FSIP2: variants seen among roughly 807,000 people sequenced by gnomAD.
FSIP2 encodes the protein fibrous sheath-interacting protein 2.
A neutral mutation model predicts 510.5 loss-of-function variants in FSIP2; 367 were observed. The observed-to-expected ratio is 0.72, with a 90% CI of 0.66 to 0.78. The LOEUF (loss-of-function observed/expected upper bound fraction) is 0.78. Ranked by LOEUF, FSIP2 falls within the 30% of genes least tolerant of loss-of-function variation. The probability of loss-of-function intolerance (pLI) is 0.00; values close to 1 mark genes in which losing one functional copy is unlikely to be tolerated. For synonymous variants in FSIP2, 2,601 were observed against 2,732.2 expected, an observed-to-expected ratio of 0.95 and a Z score of 1.50; for missense variants, 7,594 against 7,901.7, an observed-to-expected ratio of 0.96 and a Z score of 1.48.
Position 185,804,439 on chromosome 2 carries a change from G to T in FSIP2, c.15133G>T (p.Val5045Phe), listed in dbSNP as rs1375215441. 6 of 1,515,040 alleles carry T rather than the reference G, an allele frequency of 4.0e-6. No individual in the cohort carries two copies. In the South Asian group the frequency reaches 4.9e-5, roughly 12 times the overall value. The allele number at this position is 1,515,040 out of a possible 1,614,324, so 93.8% of individuals were successfully genotyped here. A position where few individuals can be genotyped will look rare whatever the true frequency, so the allele number is the denominator to read the frequency against. ...TAAATCTCTGATTCAAATACATAGG[G>T]TTATACAAAGTGACACAATATGTTT... ...QYKSLIQIHR[V>F]IQSDTICFGR... is the part of the protein sequence containing the mutation. The change falls in exon 17 of 23, where the codon GTT (valine) becomes TTT (phenylalanine). Residue 5045 changes from valine (V) to phenylalanine (F), a missense_variant. Transcript: ENST00000424728.
At position 185,789,848 on chromosome 2, in the gene FSIP2, T is replaced by C. The variant is rs764752616; in HGVS notation, c.2712T>C (p.Tyr904=). The change falls in exon 16 of 23, where the codon TAT becomes TAC. Residue 904 remains tyrosine, a synonymous_variant. Transcript: ENST00000424728. ...TTTCCCAGTCTTCTTTGGTTGCTTATATAGAGGAAGCAATCAATGCTATAC... is the reference window on the plus strand; with the variant it reads ...TTTCCCAGTCTTCTTTGGTTGCTTACATAGAGGAAGCAATCAATGCTATAC... ...NIFSQSSLVA[Y]IEEAINAILG... The C allele has an allele frequency of 6.7e-4, 1,033 of 1,531,326 alleles. No homozygotes were observed. The highest frequency in any genetic ancestry group is 8.4e-4 in the Non-Finnish European group (962 of 1,143,214). The allele number at this position is 1,531,326 out of a possible 1,614,324, so 94.9% of individuals were successfully genotyped here.
At chr2:185,823,752 A>G (rs1461244450) in intron 19 of FSIP2, among the ~76,000 whole-genome samples, 1 of 151,806 alleles carries the variant, frequency 6.6e-6, no homozygotes, top group Non-Finnish European at 1.5e-5. Flanking sequence ...CATATTCAAA[A>G]TAATTAAAAG....
At chr2:185,827,461 G>C (rs974942993) in intron 20 of FSIP2, among the ~76,000 whole-genome samples, 1 of 151,856 alleles carries the variant, frequency 6.6e-6, no homozygotes, top group Admixed American at 6.6e-5. Context: ...TGTTCACACA[G>C]CTTTAAGCAA....
chr2:185,759,047 G>T (rs1692298838), intron 9 of FSIP2, among the ~76,000 whole-genome samples: 1 of 150,968 alleles, frequency 6.6e-6, no homozygotes, highest in African/African-American at 2.4e-5. Context: ...ATTTCTCTCT[G>T]TCTAGGACCT....
chr2:185,806,678 T>G lies in FSIP2; in HGVS notation c.17372T>G (p.Ile5791Ser). 2 of 1,602,812 alleles carry G rather than the reference T, an allele frequency of 1.2e-6. No homozygotes were observed. The highest frequency in any genetic ancestry group is 1.7e-6 in the Non-Finnish European group (2 of 1,176,314). ...CCCGCTAAGTTTTTAGAAGATGTTATTACTGAGATGGTTAAACAATTGATC... is the reference window on the plus strand; with the variant it reads ...CCCGCTAAGTTTTTAGAAGATGTTAGTACTGAGATGGTTAAACAATTGATC... ...IFPAKFLEDV[I>S]TEMVKQLIFS... The change falls in exon 17 of 23, where the codon ATT (isoleucine) becomes AGT (serine). Residue 5791 changes from isoleucine (I) to serine (S), a missense_variant. Coordinates refer to ENST00000424728, the MANE Select transcript of FSIP2 (RefSeq NM_173651.4).
intron 14 of FSIP2, among the ~76,000 whole-genome samples, chr2:185,785,132 T>C (rs1303938987): frequency 6.6e-6 from 1 of 152,052 alleles, no homozygotes; most frequent in Non-Finnish European, 1.5e-5. Flanking sequence ...AACAGAAAAG[T>C]GAATCTGAAT....
intron 13 of FSIP2, 37 bp downstream of exon 13, chr2:185,764,602 T>G: frequency 7.7e-7 from 1 of 1,305,254 alleles, no homozygotes; most frequent in South Asian, 1.3e-5. Context: ...AAATCTTGCA[T>G]TCTATTTATT....
chr2:185,761,239 C>G, intron 10 of FSIP2, 136 bp downstream of exon 10: 2 of 407,026 alleles, frequency 4.9e-6, no homozygotes, highest in Non-Finnish European at 8.7e-6. Context: ...GAAACATGAT[C>G]CATTTTCCTG....
Position 185,804,261 on chromosome 2 carries a change from T to A in FSIP2, c.14955T>A (p.Val4985=), listed in dbSNP as rs918152504. The A allele has an allele frequency of 1.4e-5, 22 of 1,529,248 alleles. No homozygotes were observed. The highest frequency in any genetic ancestry group is 1.9e-5 in the Non-Finnish European group (22 of 1,143,552). The allele number at this position is 1,529,248 out of a possible 1,614,324, so 94.7% of individuals were successfully genotyped here. ...TGAAACTGAAACTTACCAGGATTGT[T>A]ACAACATTGGTAAATTCAATTGTTC... ...DRVKLKLTRI[V]TTLVNSIVLE... is the part of the protein sequence containing the mutation. Residue 4985 remains valine, a synonymous_variant, in exon 17 of 23, where the codon GTT becomes GTA. Transcript: ENST00000424728.
intron 1 of FSIP2, 73 bp downstream of exon 1, chr2:185,739,066 C>A: frequency 1.4e-6 from 2 of 1,458,390 alleles, no homozygotes; most frequent in South Asian, 1.4e-5. Context: ...GCAGGGATCG[C>A]CACACACGGG....
chr2:185,795,324 T>C lies in FSIP2; in HGVS notation c.8188T>C (p.Leu2730=), dbSNP rs1158096548. Residue 2730 remains leucine, a synonymous_variant, in exon 16 of 23, where the codon TTG becomes CTG. Transcript: ENST00000424728. ...TGCCAAAAATTTACTGGACACAAAA[T>C]TGCCCACTTCAGAACTAAAAATATA... ...GDAKNLLDTK[L]PTSELKIYAK... is the part of the protein sequence containing the mutation. 1 of 1,534,896 alleles carries C rather than the reference T, an allele frequency of 6.5e-7. No homozygotes were observed. The highest frequency in any genetic ancestry group is 1.2e-5 in the South Asian group (1 of 84,038).
intron 20 of FSIP2, 48 bp from the exon 21 acceptor site, chr2:185,828,108 A>G: frequency 2.0e-6 from 2 of 1,000,640 alleles, no homozygotes; most frequent in South Asian, 1.3e-5. Context: ...ACAAATATAC[A>G]TGCCTCAGAA....
intron 4 of FSIP2, 23 bp downstream of exon 4, chr2:185,744,434 G>T: frequency 1.6e-6 from 1 of 641,420 alleles, no homozygotes; most frequent in Non-Finnish European, 2.3e-6. Context: ...CTTAAATTTG[G>T]TTTATTTACA....
chr2:185,780,819 A>C (rs1233715256), intron 13 of FSIP2, among the ~76,000 whole-genome samples: 1 of 152,200 alleles, frequency 6.6e-6, no homozygotes, highest in Non-Finnish European at 1.5e-5. Context: ...AATTCTCTAA[A>C]GAAAATTTAC....
At position 185,782,111 on chromosome 2, in the gene FSIP2, C is replaced by G. The variant is rs1692864355; in HGVS notation, c.1412-594C>G. The stretch of plus-strand genomic sequence containing the variant: ...TGGGCCCCCCAAAGTGCTGGGATTA[C>G]AGGCAATGTCAGTTCCTTTCTCTCT... On this transcript the variant is annotated intron_variant, in intron 13 of 22. Transcript: ENST00000424728. Among the ~76,000 whole-genome samples, 3 of 152,192 alleles carry G rather than the reference C, an allele frequency of 2.0e-5. No homozygotes were observed. The South Asian group carries it at 6.2e-4, about 32-fold the overall frequency.
chr2:185,760,157 A>G (rs996083887), intron 9 of FSIP2, among the ~76,000 whole-genome samples: 2 of 146,132 alleles, frequency 1.4e-5, no homozygotes, highest in African/African-American at 5.0e-5. Context: ...CTTACTAAAT[A>G]TCTTAATTAG....
chr2:185,751,451 CTTTA>C (rs2105541045), intron 7 of FSIP2, among the ~76,000 whole-genome samples: 1 of 111,290 alleles, frequency 9.0e-6, no homozygotes, highest in African/African-American at 3.5e-5. Flanking sequence ...AAATTTGGGT[CTTTA>C]TTTTTCTGTG....
chr2:185,828,328 A>G (rs751020095), intron 21 of FSIP2, 129 bp downstream of exon 21: 1 of 613,942 alleles, frequency 1.6e-6, no homozygotes, highest in Non-Finnish European at 3.0e-6. Context: ...TCCTATTCAC[A>G]ATTTCTTACA....
chr2:185,786,725 C>G (rs1233855828), intron 15 of FSIP2, among the ~76,000 whole-genome samples: 21 of 151,802 alleles, frequency 1.4e-4, no homozygotes, highest in Non-Finnish European at 2.9e-5. Flanking sequence ...TGAGCTGAGA[C>G]TTGGAACAGG....
Sources: gnomAD v4.1 joint callset for allele counts (sites outside exome capture counted in the v4.1 genomes callset) on GRCh38, gnomAD v4.1.1 for gene constraint, MANE v1.5 for transcripts, NCBI Gene and HGNC (gene_info 2026-07-23, HGNC 2026-07-21) for gene names.